JAKMIP1: variants seen among roughly 807,000 people sequenced by gnomAD.
JAKMIP1 encodes janus kinase and microtubule-interacting protein 1.
In JAKMIP1, 33 loss-of-function variants were observed where a neutral mutation model predicts 113.0. That is an observed-to-expected ratio of 0.29 (90% CI 0.22 to 0.39). The LOEUF (loss-of-function observed/expected upper bound fraction) is 0.39. Ranked by LOEUF, JAKMIP1 falls within the 10% of genes least tolerant of loss-of-function variation. The probability of loss-of-function intolerance (pLI) is 1.00; values close to 1 mark genes in which losing one functional copy is unlikely to be tolerated. For synonymous variants in JAKMIP1, 480 were observed against 459.9 expected (o/e 1.04, Z -0.56); for missense variants, 813 against 1,080.5 (o/e 0.75, Z 3.47).
rs2108768315 is a variant in JAKMIP1 at position 6,051,323 on chromosome 4, A to G, written c.1807-644T>C. Among the ~76,000 whole-genome samples the G allele has an allele frequency of 6.6e-6, 1 of 152,084 alleles. No individual in the cohort carries two copies. Among genetic ancestry groups the G allele is most frequent in the East Asian group, 1.9e-4 (1 of 5,170 alleles). ...CTGCAACCTCCACCTCCCGGGTTCAAGTGATTCTCCTGCCTCAGCCTCCCA... is the reference window on the plus strand; with the variant it reads ...CTGCAACCTCCACCTCCCGGGTTCAGGTGATTCTCCTGCCTCAGCCTCCCA... On this transcript the variant is annotated intron_variant, in intron 13 of 20. Transcript: ENST00000409021. The surrounding 1 kb of genome is among the most constrained non-coding windows in gnomAD (Gnocchi z 5.0).
At chr4:6,163,262 T>G (rs1723181373) in intron 1 of JAKMIP1, among the ~76,000 whole-genome samples, 1 of 152,150 alleles carries the variant, frequency 6.6e-6, no homozygotes, top group African/African-American at 2.4e-5. Context: ...AGTCTATCCG[T>G]GTCATTTTTC....
chr4:6,089,792 G>A lies in JAKMIP1; in HGVS notation c.625-4163C>T, dbSNP rs971090809. Among the ~76,000 whole-genome samples, 10 of 152,280 alleles carry A rather than the reference G, an allele frequency of 6.6e-5. No individual in the cohort carries two copies. Among genetic ancestry groups the A allele is most frequent in the Middle Eastern group, 6.8e-3 (2 of 294 alleles). ...ATTCTCATTCTTGGTACCTGTAGTG[G>A]GATGAATAATGTCCCCCAAAATGTC... On this transcript the variant is annotated intron_variant, in intron 3 of 20. Coordinates refer to ENST00000409021, the MANE Select transcript of JAKMIP1 (RefSeq NM_001099433.2). The surrounding 1 kb of genome is among the most constrained non-coding windows in gnomAD (Gnocchi z 5.3).
chr4:6,180,146 A>G lies in JAKMIP1; in HGVS notation c.-148+20107T>C, dbSNP rs1421554900. 6.6e-6 allele frequency among the ~76,000 whole-genome samples: 1 copy of G among 152,218 alleles called. No homozygotes were observed. Among genetic ancestry groups the G allele is most frequent in the Non-Finnish European group, 1.5e-5 (1 of 68,040 alleles). ...TAGCCCCAACACTTTCATAAACAGC[A>G]GTTTTGAAATACCCCAGTTCATGAA... On this transcript the variant is annotated intron_variant, in intron 1 of 20. Coordinates refer to ENST00000409021, the MANE Select transcript of JAKMIP1 (RefSeq NM_001099433.2). This position sits in a 1 kb window ranked among gnomAD's most constrained non-coding sequence, Gnocchi z 4.5.
At chr4:6,169,781 A>G (rs1724126556) in intron 1 of JAKMIP1, among the ~76,000 whole-genome samples, 1 of 151,958 alleles carries the variant, frequency 6.6e-6, no homozygotes, top group East Asian at 1.9e-4. Flanking sequence ...TGTGCCTCAG[A>G]TGCCCCACCT....
At position 6,158,824 on chromosome 4, in the gene JAKMIP1, C is replaced by T. The variant is rs1367023222; in HGVS notation, c.-148+41429G>A. ...ACATACTGGGCCGGGCGTGGTGACT[C>T]ACACCTGTAATCTCATCACTTTGGG... On this transcript the variant is annotated intron_variant, in intron 1 of 20. Coordinates refer to ENST00000409021, the MANE Select transcript of JAKMIP1 (RefSeq NM_001099433.2). This position sits in a 1 kb window ranked among gnomAD's most constrained non-coding sequence, Gnocchi z 5.3. Among the ~76,000 whole-genome samples, 4 of 152,136 alleles carry T rather than the reference C, an allele frequency of 2.6e-5. No homozygotes were observed. Among genetic ancestry groups the T allele is most frequent in the Non-Finnish European group, 5.9e-5 (4 of 68,018 alleles).
chr4:6,102,722 CTTTTTTTTTTT>C (rs1191358910), intron 3 of JAKMIP1, among the ~76,000 whole-genome samples: 41 of 50,824 alleles, frequency 8.1e-4, no homozygotes, highest in African/African-American at 3.3e-3. Flanking sequence ...TCTCTAAAGA[CTTTTTTTTTTT>C]TTTTTTTTTT....
intron 1 of JAKMIP1, among the ~76,000 whole-genome samples, chr4:6,145,767 T>C (rs7695928): frequency 0.84 from 127,875 of 151,752 alleles, 56,620 homozygotes; most frequent in East Asian, 1. Context: ...TAATATAAGA[T>C]CCTCCTTGGC....
Position 6,078,945 on chromosome 4 carries a change from C to A in JAKMIP1, c.1296G>T (p.Pro432=), listed in dbSNP as rs766668456. Residue 432 remains proline (P), a synonymous_variant, in exon 8 of 21, where the codon CCG becomes CCT. Transcript: ENST00000409021. ...SKRHRGKSLK[P]PKKHVVETFF... ...TGCACCATCGCAGGCTCACCTTGGG[C>A]GGTTTCAGACTTTTCCCTCGATGCC... The A allele has an allele frequency of 6.2e-7, 1 of 1,614,024 alleles. No homozygotes were observed. Among genetic ancestry groups the A allele is most frequent in the South Asian group, 1.1e-5 (1 of 91,086 alleles).
At position 6,112,905 on chromosome 4, in the gene JAKMIP1, G is replaced by T; in HGVS notation, c.-55C>A. 6.3e-7 allele frequency: 1 copy of T among 1,580,664 alleles called. No individual in the cohort carries two copies. ...CTGCGGTCCACACCTGTTCACGCAC[G>T]CCAGCCAGCAGGCGTGGCTACCAGC... is the stretch of plus-strand genomic sequence containing the variant. On this transcript the variant is annotated 5_prime_UTR_variant, in exon 2 of 21. Coordinates refer to ENST00000409021, the MANE Select transcript of JAKMIP1 (RefSeq NM_001099433.2).
At position 6,167,594 on chromosome 4, in the gene JAKMIP1, A is replaced by C. The variant is rs1408811221; in HGVS notation, c.-148+32659T>G. Among the ~76,000 whole-genome samples the C allele has an allele frequency of 6.6e-6, 1 of 152,146 alleles. No individual in the cohort carries two copies. Among genetic ancestry groups the C allele is most frequent in the African/African-American group, 2.4e-5 (1 of 41,434 alleles). ...TTGAAATTCTTAACCATTTTTTAAC[A>C]AGGAGCCCCAAAAACTACATAGCCG... On this transcript the variant is annotated intron_variant, in intron 1 of 20. Transcript: ENST00000409021. The surrounding 1 kb of genome is among the most constrained non-coding windows in gnomAD (Gnocchi z 5.3).
In JAKMIP1 at chr4:6,157,267, T is replaced by C. The variant is rs374509401; in HGVS notation, c.-148+42986A>G. Among the ~76,000 whole-genome samples, 9 of 152,230 alleles carry C rather than the reference T, an allele frequency of 5.9e-5. No homozygotes were observed. Among genetic ancestry groups the C allele is most frequent in the East Asian group, 3.9e-4 (2 of 5,176 alleles). On this transcript the variant is annotated intron_variant, in intron 1 of 20. Coordinates refer to ENST00000409021, the MANE Select transcript of JAKMIP1 (RefSeq NM_001099433.2). This position sits in a 1 kb window ranked among gnomAD's most constrained non-coding sequence, Gnocchi z 4.7. ...CTACCCAGGTGGTGATATTGTGTTA[T>C]AGCAACACAAAATGGACTAAGACGA...
intron 1 of JAKMIP1, among the ~76,000 whole-genome samples, chr4:6,198,955 G>T (rs1185531545): frequency 6.6e-6 from 1 of 152,224 alleles, no homozygotes; most frequent in African/African-American, 2.4e-5. Flanking sequence ...TGGGAGAGGG[G>T]CTGAGGCTGC....
chr4:6,101,292 GT>G (rs914785157), intron 3 of JAKMIP1, among the ~76,000 whole-genome samples: 8 of 150,544 alleles, frequency 5.3e-5, no homozygotes, highest in Admixed American at 3.3e-4. Context: ...TGTATTTCCT[GT>G]TTTTTTTTCT....
rs11942719 is a variant in JAKMIP1, at chr4:6,059,165, A to G, written c.1644+1259T>C. Among the ~76,000 whole-genome samples the G allele has an allele frequency of 0.26, 40,148 of 152,182 alleles. 7,685 individuals carry two copies. The highest frequency in any genetic ancestry group is 0.54 in the African/African-American group (22,526 of 41,500). ...CCACCGCATGGAGGATGCAGACCAC[A>G]GTTTAGAGAAGCCATTCCAGAGGGC... On this transcript the variant is annotated intron_variant, in intron 11 of 20. Transcript: ENST00000409021. This position sits in a 1 kb window ranked among gnomAD's most constrained non-coding sequence, Gnocchi z 4.8.
At position 6,154,856 on chromosome 4, in the gene JAKMIP1, G is replaced by A. The variant is rs370168198; in HGVS notation, c.-147-41859C>T. ...CTTGGGAAGCTCCTATTCATTCCTC[G>A]AAGGCCTATTCATCCATCGCCTCCC... On this transcript the variant is annotated intron_variant, in intron 1 of 20. Transcript: ENST00000409021. The surrounding 1 kb of genome is among the most constrained non-coding windows in gnomAD (Gnocchi z 4.2). 2.9e-4 allele frequency among the ~76,000 whole-genome samples: 44 copies of A among 152,014 alleles called. 1 individual carries two copies. The South Asian group carries it at 7.9e-3, about 27-fold the overall frequency.
At chr4:6,134,874 A>G (rs533715367) in intron 1 of JAKMIP1, among the ~76,000 whole-genome samples, 2 of 150,124 alleles carry the variant, frequency 1.3e-5, no homozygotes, top group African/African-American at 5.1e-5. Context: ...AGGGTGGCGC[A>G]TGCATAAATA....
chr4:6,060,908 C>T (rs940651581), intron 10 of JAKMIP1, among the ~76,000 whole-genome samples: 6 of 152,228 alleles, frequency 3.9e-5, no homozygotes, highest in East Asian at 1.9e-4. Context: ...GACTTCAACA[C>T]GCTGGCACAA....
intron 2 of JAKMIP1, among the ~76,000 whole-genome samples, chr4:6,110,020 C>T (rs1354053820): frequency 6.6e-6 from 1 of 152,262 alleles, no homozygotes; most frequent in African/African-American, 2.4e-5. Context: ...GGGAGGCAGC[C>T]TGGTAACAGG....
Position 6,157,521 on chromosome 4 carries a change from C to A in JAKMIP1, c.-148+42732G>T, listed in dbSNP as rs1722400704. On this transcript the variant is annotated intron_variant, in intron 1 of 20. Coordinates refer to ENST00000409021, the MANE Select transcript of JAKMIP1 (RefSeq NM_001099433.2). This position sits in a 1 kb window ranked among gnomAD's most constrained non-coding sequence, Gnocchi z 4.7. ...CTTCAGCGTACACTTTCCGTAACAC[C>A]TTTTTTGACTAAGAATCCATCATTT... Among the ~76,000 whole-genome samples the A allele has an allele frequency of 6.6e-6, 1 of 152,120 alleles. No homozygotes were observed. The highest frequency in any genetic ancestry group is 1.5e-5 in the Non-Finnish European group (1 of 68,020).
Sources: gnomAD v4.1 joint callset for allele counts (sites outside exome capture counted in the v4.1 genomes callset) on GRCh38, gnomAD v4.1.1 for gene constraint, Gnocchi (gnomAD v3.1) non-coding constraint, MANE v1.5 for transcripts, NCBI Gene and HGNC (gene_info 2026-07-23, HGNC 2026-07-21) for gene names.